Variants in COL14A1 observed in about 807,000 individuals in gnomAD.
COL14A1 encodes the protein collagen alpha-1(XIV) chain.
A neutral mutation model predicts 230.3 loss-of-function variants in COL14A1; 136 were observed. The observed-to-expected ratio is 0.59, with a 90% confidence interval of 0.51 to 0.68. The LOEUF (loss-of-function observed/expected upper bound fraction) is 0.68, where lower values mean the gene tolerates loss of function less well. Ranked by LOEUF, COL14A1 falls within the 30% of genes least tolerant of loss-of-function variation. The pLI is 0.00. For synonymous variants in COL14A1, 792 were observed against 784.1 expected (o/e 1.01, Z -0.17); for missense variants, 1,976 against 2,215.8 (o/e 0.89, Z 2.17).
chr8:120,337,483 A>C (rs1822125234), intron 42 of COL14A1, among the ~76,000 whole-genome samples: 1 of 152,168 alleles, frequency 6.6e-6, no homozygotes, highest in South Asian at 2.1e-4. Context: ...GTTCAGAGGC[A>C]TATTAGAAGA....
intron 15 of COL14A1, among the ~76,000 whole-genome samples, chr8:120,225,785 T>A (rs1027188245): frequency 1.3e-5 from 2 of 152,222 alleles, no homozygotes; most frequent in African/African-American, 2.4e-5. Flanking sequence ...ACAATTCTAT[T>A]ATTTGCTTTC....
chr8:120,251,273 T>G (rs1818939680), intron 22 of COL14A1, among the ~76,000 whole-genome samples: 1 of 152,210 alleles, frequency 6.6e-6, no homozygotes, highest in Non-Finnish European at 1.5e-5. Flanking sequence ...ACTTGATGAT[T>G]GCAGATAGGA....
intron 31 of COL14A1, 34 bp from the exon 32 acceptor site, chr8:120,283,593 TGAGGAAGGA>T: frequency 6.5e-7 from 1 of 1,547,946 alleles, no homozygotes; most frequent in South Asian, 1.2e-5. Flanking sequence ...GTAACTTTTT[TGAGGAAGGA>T]TACAATGAAA....
At chr8:120,302,677 G>T (rs1434511643) in intron 36 of COL14A1, among the ~76,000 whole-genome samples, 1 of 152,046 alleles carries the variant, frequency 6.6e-6, no homozygotes, top group Non-Finnish European at 1.5e-5. Flanking sequence ...ATAACATGAT[G>T]CTCCAGCTTT....
intron 45 of COL14A1, among the ~76,000 whole-genome samples, chr8:120,361,647 ATC>A (rs763161540): frequency 5.3e-5 from 8 of 152,180 alleles, no homozygotes; most frequent in Non-Finnish European, 8.8e-5. Flanking sequence ...TTGATCTATA[ATC>A]TCTGTGACTT....
chr8:120,143,626 A>G (rs887605004), intron 1 of COL14A1, among the ~76,000 whole-genome samples: 3 of 152,176 alleles, frequency 2.0e-5, no homozygotes, highest in African/African-American at 4.8e-5. Flanking sequence ...GCGAGACTCC[A>G]TCTCAAAAAA....
intron 37 of COL14A1, among the ~76,000 whole-genome samples, chr8:120,311,745 T>C (rs1353345091): frequency 1.3e-5 from 2 of 152,148 alleles, no homozygotes; most frequent in African/African-American, 2.4e-5. Flanking sequence ...TTTTATAGGA[T>C]AAAATGGGAC....
At chr8:120,180,888 A>G (rs571588569) in intron 5 of COL14A1, among the ~76,000 whole-genome samples, 4 of 151,884 alleles carry the variant, frequency 2.6e-5, no homozygotes, top group African/African-American at 9.6e-5. Context: ...TTGTATTTTT[A>G]GTAGAGATGG....
chr8:120,197,993 A>G (rs1409750937), intron 7 of COL14A1, 63 bp downstream of exon 7: 1 of 1,526,884 alleles, frequency 6.5e-7, no homozygotes, highest in East Asian at 2.3e-5. Flanking sequence ...GTATTACCTC[A>G]TTTTGCCACT....
chr8:120,353,519 A>G (rs1822849098), intron 45 of COL14A1, among the ~76,000 whole-genome samples: 1 of 148,406 alleles, frequency 6.7e-6, no homozygotes, highest in Non-Finnish European at 1.5e-5. Flanking sequence ...TCCAGAATCT[A>G]CAATGAACTC....
intron 5 of COL14A1, among the ~76,000 whole-genome samples, chr8:120,185,550 C>G (rs12547879): frequency 0.34 from 51,404 of 151,888 alleles, 9,513 homozygotes; most frequent in Admixed American, 0.48. Context: ...GCCTATTGTT[C>G]CAGCTACTCA....
intron 24 of COL14A1, among the ~76,000 whole-genome samples, chr8:120,265,459 GC>G (rs1349565048): frequency 1.3e-5 from 2 of 151,784 alleles, no homozygotes; most frequent in African/African-American, 4.8e-5. Context: ...TTCAAAAATT[GC>G]CTTTAAAAAT....
At chr8:120,209,197 C>T (rs371771005) in intron 11 of COL14A1, among the ~76,000 whole-genome samples, 32 of 151,888 alleles carry the variant, frequency 2.1e-4, no homozygotes, top group African/African-American at 7.5e-4. Context: ...TGGCAAAACC[C>T]GATCTCTACA....
chr8:120,240,116 A>G (rs1818568716), intron 19 of COL14A1, among the ~76,000 whole-genome samples: 1 of 152,126 alleles, frequency 6.6e-6, no homozygotes, highest in Non-Finnish European at 1.5e-5. Context: ...TGACCCAGTT[A>G]AACAAACCTG....
chr8:120,250,707 A>G lies in COL14A1; in HGVS notation c.2693A>G (p.Lys898Arg), dbSNP rs1818913301. 2 of 1,614,228 alleles carry G rather than the reference A, an allele frequency of 1.2e-6. No individual in the cohort carries two copies. The highest frequency in any genetic ancestry group is 1.3e-5 in the African/African-American group (1 of 75,062). ...NLLSGMDYNVKIFASQASGFS... is the reference protein window; with the variant it reads ...NLLSGMDYNVRIFASQASGFS... ...CTCAGCGGAATGGACTACAATGTGA[A>G]GATATTTGCCTCCCAGGCCTCAGGC... is the stretch of plus-strand genomic sequence containing the variant. Residue 898 changes from lysine to arginine, a missense_variant, in exon 22 of 48, where the codon AAG (lysine) becomes AGG (arginine). Around this residue, in one of 3 missense-constraint regions of COL14A1, gnomAD observed 1,791 missense variants for 2,019.5 expected, o/e 0.89. Transcript: ENST00000297848.
chr8:120,151,210 C>T lies in COL14A1; in HGVS notation c.88+3280C>T, dbSNP rs111974082. ...TTTCTACCATTACGCCTCTTATTTA[C>T]GTGACTGATTTTGAGCAAGGAATAA... is the stretch of plus-strand genomic sequence containing the variant. On this transcript the variant is annotated intron_variant, in intron 2 of 47. Transcript: ENST00000297848. Among the ~76,000 whole-genome samples the T allele has an allele frequency of 5.8e-3, 885 of 152,204 alleles. 8 individuals carry two copies. Among genetic ancestry groups the T allele is most frequent in the African/African-American group, 0.018 (759 of 41,518 alleles).
At chr8:120,230,021 C>T (rs1365357658) in intron 18 of COL14A1, among the ~76,000 whole-genome samples, 1 of 152,156 alleles carries the variant, frequency 6.6e-6, no homozygotes, top group African/African-American at 2.4e-5. Flanking sequence ...GCTGGGACTA[C>T]AGACATGTGT....
intron 28 of COL14A1, among the ~76,000 whole-genome samples, chr8:120,279,109 A>G (rs940449917): frequency 9.4e-4 from 130 of 138,362 alleles, no homozygotes; most frequent in African/African-American, 3.2e-3. Context: ...ATGAGAACAC[A>G]TGGACACAGG....
intron 45 of COL14A1, among the ~76,000 whole-genome samples, chr8:120,358,342 A>T (rs1252028558): frequency 6.6e-6 from 1 of 152,118 alleles, no homozygotes; most frequent in Non-Finnish European, 1.5e-5. Flanking sequence ...GTCCCCCAAA[A>T]CAAATTTTAA....
Sources: gnomAD v4.1 joint callset for allele counts (sites outside exome capture counted in the v4.1 genomes callset) on GRCh38, gnomAD v4.1.1 for gene constraint, gnomAD v4.1.1 regional missense constraint, MANE v1.5 for transcripts, NCBI Gene and HGNC (gene_info 2026-07-23, HGNC 2026-07-21) for gene names.